Variants in WDR44 observed in about 807,000 individuals in gnomAD.
The protein encoded by WDR44 is WD repeat-containing protein 44.
Under a neutral mutation model 65.7 loss-of-function variants are expected in WDR44, and 9 were observed. The ratio of observed to expected loss-of-function variants is 0.14; its 90% CI spans 0.08 to 0.24. WDR44 has a LOEUF of 0.24. WDR44 is among the 10% of genes least tolerant of loss of function. WDR44 has a pLI of 1.00. For missense variants in WDR44, 425 were observed against 670.9 expected (o/e 0.63, Z 4.05); for synonymous variants, 220 against 235.2 (o/e 0.94, Z 0.59).
At chrX:118,372,499 T>C (rs1207618651) in intron 1 of WDR44, among the ~76,000 whole-genome samples, 3 of 111,736 alleles carry the variant, frequency 2.7e-5, no homozygotes, top group Middle Eastern at 4.2e-3. Context: ...ACCTCACTTA[T>C]CTGTTGGCCA....
At chrX:118,442,101 G>T (rs1245007728) in intron 15 of WDR44, 143 bp from the exon 16 acceptor site, 17 of 465,046 alleles carry the variant, frequency 3.7e-5, no homozygotes, top group Non-Finnish European at 6.0e-5. Context: ...GAGCGTAGTG[G>T]TGCAATTGTT....
chrX:118,425,009 T>C (rs1164336277), intron 12 of WDR44, among the ~76,000 whole-genome samples: 4 of 111,263 alleles, frequency 3.6e-5, no homozygotes, highest in South Asian at 3.8e-4. Flanking sequence ...AAAGCTTCAC[T>C]GAGAAGTTGT....
intron 8 of WDR44, among the ~76,000 whole-genome samples, chrX:118,403,217 C>G (rs1210733728): frequency 8.9e-6 from 1 of 111,791 alleles, no homozygotes; most frequent in Non-Finnish European, 1.9e-5. Context: ...CCATGGTTGA[C>G]TGGGGTAACT....
chrX:118,409,876 A>G (rs761469330), intron 11 of WDR44, among the ~76,000 whole-genome samples: 1 of 112,311 alleles, frequency 8.9e-6, no homozygotes, highest in African/African-American at 3.2e-5. Context: ...TGAGAACATG[A>G]TATTTGGTTT....
At chrX:118,432,254 T>C (rs1193278686) in intron 12 of WDR44, among the ~76,000 whole-genome samples, 2 of 111,628 alleles carry the variant, frequency 1.8e-5, no homozygotes, top group African/African-American at 3.3e-5. Flanking sequence ...AGATGGCTGC[T>C]ACAGTCTTAG....
chrX:118,402,939 C>T (rs1178836361), intron 8 of WDR44, among the ~76,000 whole-genome samples: 2 of 111,837 alleles, frequency 1.8e-5, no homozygotes, highest in East Asian at 5.6e-4. Context: ...ATGGGGTATA[C>T]GTTCCAAGAT....
intron 2 of WDR44, chrX:118,386,420 C>T (rs2056767240): frequency 2.8e-6 from 1 of 354,034 alleles, no homozygotes; most frequent in South Asian, 2.7e-5. Flanking sequence ...TATATATGTA[C>T]GTATGTGTAT....
intron 1 of WDR44, among the ~76,000 whole-genome samples, chrX:118,357,709 C>G (rs979907467): frequency 1.8e-4 from 20 of 110,075 alleles, no homozygotes; most frequent in African/African-American, 6.6e-4. Flanking sequence ...TAGTGAAACC[C>G]TGTCTCTAAC....
intron 1 of WDR44, among the ~76,000 whole-genome samples, chrX:118,353,103 C>T (rs919054539): frequency 8.9e-6 from 1 of 112,032 alleles, no homozygotes; most frequent in African/African-American, 3.2e-5. Context: ...CTAATATCTA[C>T]AAACTTTCAC....
At position 118,357,931 on chromosome X, in the gene WDR44, T is replaced by A. The variant is rs28386900; in HGVS notation, c.77+11351T>A. On this transcript the variant is annotated intron_variant, in intron 1 of 19. Transcript: ENST00000254029. ...GCTCATGCCTGTAATCCCAGCACTT[T>A]GGGAGGCCGAGGCGGGCAGATCATG... Among the ~76,000 whole-genome samples, 803 of 110,971 alleles carry A rather than the reference T, an allele frequency of 7.2e-3. 4 individuals carry two copies. The highest frequency in any genetic ancestry group is 0.025 in the African/African-American group (762 of 30,444).
chrX:118,407,502 C>CAAAAA (rs11423108), intron 10 of WDR44, among the ~76,000 whole-genome samples: 1 of 56,969 alleles, frequency 1.8e-5, no homozygotes, highest in Non-Finnish European at 3.6e-5. Context: ...AACTCCGTCT[C>CAAAAA]AAAAAAAAAA....
intron 1 of WDR44, among the ~76,000 whole-genome samples, chrX:118,358,490 G>A (rs1326274023): frequency 8.9e-6 from 1 of 111,757 alleles, no homozygotes; most frequent in Non-Finnish European, 1.9e-5. Context: ...ATCACTTGAA[G>A]CCAGGAGTTT....
chrX:118,361,530 G>T (rs2056511900), intron 1 of WDR44, among the ~76,000 whole-genome samples: 1 of 111,835 alleles, frequency 8.9e-6, no homozygotes, highest in South Asian at 3.7e-4. Flanking sequence ...GATTTCTTGA[G>T]CCCAAGAGTT....
intron 12 of WDR44, among the ~76,000 whole-genome samples, chrX:118,430,329 G>T (rs1447207472): frequency 9.6e-6 from 1 of 104,553 alleles, no homozygotes; most frequent in Non-Finnish European, 1.9e-5. Context: ...GGATCATGAG[G>T]TCAGGAGTTC....
intron 8 of WDR44, among the ~76,000 whole-genome samples, chrX:118,400,802 A>G (rs1253018742): frequency 3.9e-5 from 4 of 103,824 alleles, no homozygotes; most frequent in Non-Finnish European, 2.0e-5. Flanking sequence ...TATATCTCCC[A>G]ATGCTATCCC....
At chrX:118,348,994 G>A (rs1342678946) in intron 1 of WDR44, among the ~76,000 whole-genome samples, 2 of 111,947 alleles carry the variant, frequency 1.8e-5, no homozygotes, top group Non-Finnish European at 3.8e-5. Flanking sequence ...TAATACACAA[G>A]CTATTTCCTA....
At chrX:118,365,797 T>A (rs753757436) in intron 1 of WDR44, among the ~76,000 whole-genome samples, 2 of 112,278 alleles carry the variant, frequency 1.8e-5, no homozygotes, top group East Asian at 5.6e-4. Context: ...TGACTCTTAA[T>A]GAGTATCTTT....
At chrX:118,444,275 A>G (rs1371027375) in intron 18 of WDR44, 85 bp from the exon 19 acceptor site, 2 of 1,036,257 alleles carry the variant, frequency 1.9e-6, no homozygotes, top group African/African-American at 3.8e-5. Context: ...GTTAGTTTTT[A>G]AGGATATTTG....
intron 12 of WDR44, among the ~76,000 whole-genome samples, chrX:118,432,358 T>C (rs1276123920): frequency 9.0e-6 from 1 of 111,437 alleles, no homozygotes; most frequent in African/African-American, 3.3e-5. Context: ...TCTAGAAGCC[T>C]TCCCTCATCC....
Sources: allele counts gnomAD v4.1 joint callset (sites outside exome capture counted in the v4.1 genomes callset), GRCh38; gene constraint gnomAD v4.1.1; transcripts MANE v1.5; gene names NCBI Gene and HGNC (gene_info 2026-07-23, HGNC 2026-07-21).